The following CACNG5 variants were observed in gnomAD, a reference collection of about 807,000 sequenced individuals.
CACNG5 encodes the protein calcium voltage-gated channel auxiliary subunit gamma 5, also known as voltage-dependent calcium channel gamma-5 subunit.
In CACNG5, 18 loss-of-function variants were observed where a neutral mutation model predicts 24.8. The observed-to-expected ratio is 0.73, with a 90% confidence interval of 0.50 to 1.08. CACNG5 has a LOEUF of 1.08. Ranked by LOEUF, CACNG5 falls within the 50% of genes least tolerant of loss-of-function variation. The probability of loss-of-function intolerance (pLI) is 0.00; values close to 1 mark genes in which losing one functional copy is unlikely to be tolerated. For synonymous variants in CACNG5, 157 were observed against 149.1 expected, an observed-to-expected ratio of 1.05 and a Z score of -0.39; for missense variants, 349 against 367.9, an observed-to-expected ratio of 0.95 and a Z score of 0.42.
At position 66,886,047 on chromosome 17, in the gene CACNG5, A is replaced by G. The variant is rs1410694933; in HGVS notation, c.*807A>G. ...CTTAACCCAAATAACTGATTCTGAC[A>G]ATGAGAATTTTAGAATCGGGCTGGT... On this transcript the variant is annotated 3_prime_UTR_variant, in exon 6 of 6. Transcript: ENST00000533854. 6.6e-6 allele frequency among the ~76,000 whole-genome samples: 1 copy of G among 152,210 alleles called. No homozygotes were observed. Among genetic ancestry groups the G allele is most frequent in the African/African-American group, 2.4e-5 (1 of 41,458 alleles).
At chr17:66,881,152 C>T (rs1211834588) in intron 4 of CACNG5, among the ~76,000 whole-genome samples, 7 of 152,178 alleles carry the variant, frequency 4.6e-5, no homozygotes, top group African/African-American at 1.7e-4. Context: ...GAGGAAACAT[C>T]TGAGGACCCT....
intron 1 of CACNG5, among the ~76,000 whole-genome samples, chr17:66,846,275 C>A (rs1976637300): frequency 6.6e-6 from 1 of 152,102 alleles, no homozygotes; most frequent in African/African-American, 2.4e-5. Flanking sequence ...CCATGTTAAC[C>A]ATTTTAAAGT....
intron 4 of CACNG5, among the ~76,000 whole-genome samples, chr17:66,880,927 T>C (rs1220914440): frequency 6.6e-6 from 1 of 152,118 alleles, no homozygotes; most frequent in African/African-American, 2.4e-5. Flanking sequence ...TTAGTAAAGA[T>C]GGGGTTTTTC....
At chr17:66,881,552 AT>A (rs1242005053) in intron 4 of CACNG5, among the ~76,000 whole-genome samples, 1 of 152,008 alleles carries the variant, frequency 6.6e-6, no homozygotes, top group Non-Finnish European at 1.5e-5. Flanking sequence ...TCTTCTTTTT[AT>A]TCATTGATGA....
At chr17:66,867,480 T>A (rs1166613350) in intron 1 of CACNG5, among the ~76,000 whole-genome samples, 2 of 152,240 alleles carry the variant, frequency 1.3e-5, no homozygotes, top group African/African-American at 4.8e-5. Flanking sequence ...TTTGATTAGA[T>A]CCCATTTGTC....
At chr17:66,863,523 C>T (rs1386981960) in intron 1 of CACNG5, among the ~76,000 whole-genome samples, 8 of 152,036 alleles carry the variant, frequency 5.3e-5, no homozygotes, top group African/African-American at 1.7e-4. Flanking sequence ...TGCACCACCA[C>T]GCCCAGCTAA....
At chr17:66,861,719 C>T (rs1235099515) in intron 1 of CACNG5, among the ~76,000 whole-genome samples, 2 of 152,204 alleles carry the variant, frequency 1.3e-5, no homozygotes, top group East Asian at 3.8e-4. Flanking sequence ...TTCCATTTCT[C>T]GCTGGCTGTT....
intron 1 of CACNG5, among the ~76,000 whole-genome samples, chr17:66,861,378 G>A (rs73994650): frequency 0.091 from 13,851 of 152,274 alleles, 1,312 homozygotes; most frequent in African/African-American, 0.24. Flanking sequence ...GTGTTACCTC[G>A]TAACCCTTTA....
intron 4 of CACNG5, among the ~76,000 whole-genome samples, chr17:66,883,779 C>T (rs1977200884): frequency 1.3e-5 from 2 of 152,194 alleles, no homozygotes; most frequent in South Asian, 2.1e-4. Flanking sequence ...GCCCATGGGG[C>T]GTATTTTACC....
chr17:66,861,780 C>A (rs1314149115), intron 1 of CACNG5, among the ~76,000 whole-genome samples: 1 of 152,242 alleles, frequency 6.6e-6, no homozygotes, highest in Admixed American at 6.5e-5. Flanking sequence ...TCAGCTGGAG[C>A]TGCCAGAGGT....
intron 4 of CACNG5, 106 bp from the exon 5 acceptor site, chr17:66,884,409 CA>C: frequency 8.3e-7 from 1 of 1,201,962 alleles, no homozygotes; most frequent in Non-Finnish European, 1.2e-6. Context: ...ATTGTTACCC[CA>C]AGGCTGGTGG....
At chr17:66,838,556 C>G (rs919915284) in intron 1 of CACNG5, among the ~76,000 whole-genome samples, 2 of 151,934 alleles carry the variant, frequency 1.3e-5, no homozygotes, top group African/African-American at 4.8e-5. Flanking sequence ...GAAGCCCCAG[C>G]AATGAGCAGT....
chr17:66,873,172 G>C (rs1396142985), intron 1 of CACNG5, among the ~76,000 whole-genome samples: 1 of 152,160 alleles, frequency 6.6e-6, no homozygotes, highest in East Asian at 1.9e-4. Flanking sequence ...CCCTGTACCT[G>C]AAGGATTTTG....
intron 1 of CACNG5, among the ~76,000 whole-genome samples, chr17:66,851,981 G>T (rs1976713596): frequency 6.6e-6 from 1 of 152,214 alleles, no homozygotes; most frequent in African/African-American, 2.4e-5. Context: ...GGGCGTTTTG[G>T]CAGGAGATTG....
chr17:66,884,931 G>C, intron 5 of CACNG5, 52 bp from the exon 6 acceptor site: 1 of 1,614,070 alleles, frequency 6.2e-7, no homozygotes, highest in Non-Finnish European at 8.5e-7. Context: ...AGCCAAGGGA[G>C]ATGAGGCAGG....
intron 1 of CACNG5, among the ~76,000 whole-genome samples, chr17:66,845,147 A>T (rs1295093083): frequency 6.6e-6 from 1 of 152,204 alleles, no homozygotes; most frequent in East Asian, 1.9e-4. Context: ...TTGCGGGGAC[A>T]TGGATGAAGC....
chr17:66,880,709 T>G lies in CACNG5; in HGVS notation c.424+12T>G, dbSNP rs1172314255. On this transcript the variant is annotated intron_variant, in intron 4 of 5. Coordinates refer to ENST00000533854, the MANE Select transcript of CACNG5 (RefSeq NM_145811.3). ...CTTTATCCTCTCAGGTAAGTTGTGT[T>G]GTTTTCTTTTCTTGCACCCTGGAAT... The G allele has an allele frequency of 1.9e-6, 3 of 1,611,528 alleles. No homozygotes were observed. The highest frequency in any genetic ancestry group is 2.5e-6 in the Non-Finnish European group (3 of 1,178,908).
intron 1 of CACNG5, among the ~76,000 whole-genome samples, chr17:66,841,414 G>T (rs927767896): frequency 6.6e-6 from 1 of 152,178 alleles, no homozygotes; most frequent in Non-Finnish European, 1.5e-5. Flanking sequence ...GGGCCCCCAA[G>T]ATTTATTTTC....
chr17:66,893,459 G>A lies in CACNG5; in HGVS notation c.*8219G>A, dbSNP rs551598312. ...TGTGGTCAGCCCGTGGTGGAACCTC[G>A]CCACACTCTTGTTCTGGATAAATTG... On this transcript the variant is annotated 3_prime_UTR_variant, in exon 6 of 6. Transcript: ENST00000533854. 6.3e-4 allele frequency among the ~76,000 whole-genome samples: 96 copies of A among 152,302 alleles called. 1 individual carries two copies. Among genetic ancestry groups the A allele is most frequent in the African/African-American group, 1.5e-3 (62 of 41,570 alleles).
Sources: gnomAD v4.1 joint callset for allele counts (sites outside exome capture counted in the v4.1 genomes callset) on GRCh38, gnomAD v4.1.1 for gene constraint, MANE v1.5 for transcripts, NCBI Gene and HGNC (gene_info 2026-07-23, HGNC 2026-07-21) for gene names.